The following PRELID2 variants were observed in gnomAD, a reference collection of about 807,000 sequenced individuals.
PRELID2 encodes the protein PRELI domain-containing protein 2.
PRELID2 carries 25 observed loss-of-function variants against 28.4 expected under a neutral mutation model. The ratio of observed to expected loss-of-function variants is 0.88; its 90% CI spans 0.64 to 1.23. The LOEUF (loss-of-function observed/expected upper bound fraction) is 1.23, where lower values mean the gene tolerates loss of function less well. Ranked by LOEUF, PRELID2 falls within the 50% of genes most tolerant of loss-of-function variation. PRELID2 has a pLI of 0.00. For synonymous variants in PRELID2, 76 were observed against 71.6 expected (o/e 1.06, Z -0.31); for missense variants, 201 against 214.4 (o/e 0.94, Z 0.39).
intron 1 of PRELID2, among the ~76,000 whole-genome samples, chr5:145,652,317 G>C (rs750007848): frequency 6.6e-6 from 1 of 152,204 alleles, no homozygotes; most frequent in Non-Finnish European, 1.5e-5. Context: ...GAACCAAGTT[G>C]GAAAACACTC....
intron 1 of PRELID2, among the ~76,000 whole-genome samples, chr5:145,499,828 T>C (rs1428484958): frequency 6.6e-6 from 1 of 152,238 alleles, no homozygotes; most frequent in East Asian, 1.9e-4. Context: ...TTCTTCAGAA[T>C]GAATGAGATT....
At chr5:145,262,107 C>CA in the PRELID2 span, among the ~76,000 whole-genome samples, 2 of 151,816 alleles carry the variant, frequency 1.3e-5, no homozygotes, top group African/African-American at 4.8e-5. Flanking sequence ...TGGCAGAGCT[C>CA]AAAGACAAGG....
At chr5:145,360,761 TTGAA>T in the PRELID2 span, among the ~76,000 whole-genome samples, 1 of 152,208 alleles carries the variant, frequency 6.6e-6, no homozygotes, top group Non-Finnish European at 1.5e-5. Context: ...TTCCAATCCT[TTGAA>T]TGAGCAGATC....
At chr5:145,578,080 G>C (rs1297957104) in intron 1 of PRELID2, among the ~76,000 whole-genome samples, 1 of 152,050 alleles carries the variant, frequency 6.6e-6, no homozygotes, top group Admixed American at 6.6e-5. Flanking sequence ...CATAATACAT[G>C]CCAGTTGCTA....
chr5:145,415,886 C>T, the PRELID2 span, among the ~76,000 whole-genome samples: 6 of 151,914 alleles, frequency 3.9e-5, no homozygotes, highest in African/African-American at 1.2e-4. Flanking sequence ...AACTACTTTA[C>T]GGTCCCACCA....
At chr5:145,657,645 A>G (rs1162604602) in intron 1 of PRELID2, among the ~76,000 whole-genome samples, 1 of 152,168 alleles carries the variant, frequency 6.6e-6, no homozygotes, top group Non-Finnish European at 1.5e-5. Context: ...AGATCGCACA[A>G]CTGCACTCCA....
intron 1 of PRELID2, among the ~76,000 whole-genome samples, chr5:145,554,443 C>T (rs1752863465): frequency 6.6e-6 from 1 of 151,988 alleles, no homozygotes; most frequent in South Asian, 2.1e-4. Context: ...ATTTTTAAAC[C>T]CAGAGAGAAG....
chr5:145,513,755 G>T (rs1291574611), intron 1 of PRELID2, among the ~76,000 whole-genome samples: 2 of 152,136 alleles, frequency 1.3e-5, no homozygotes, highest in East Asian at 1.9e-4. Context: ...GGAATGTCGG[G>T]TTACTCACAA....
At chr5:145,719,094 A>C (rs1271435959) in intron 1 of PRELID2, among the ~76,000 whole-genome samples, 1 of 152,040 alleles carries the variant, frequency 6.6e-6, no homozygotes, top group East Asian at 1.9e-4. Flanking sequence ...AGATTAACAA[A>C]AGTACAAATA....
chr5:145,283,578 T>C, the PRELID2 span, among the ~76,000 whole-genome samples: 3 of 152,206 alleles, frequency 2.0e-5, no homozygotes, highest in African/African-American at 7.2e-5. Context: ...ATAAGGATTT[T>C]TGAACTGCTT....
Position 145,817,968 on chromosome 5 carries a change from G to A in PRELID2, c.294C>T (p.His98=). Residue 98 remains histidine, a synonymous_variant, in exon 4 of 7, where the codon CAC becomes CAT. Transcript: ENST00000683046. Reference sequence around the variant, plus strand: ...ATGCATACTGTGTCCACGTAAGGCAGTGACTCCGTATGGCCATGTTTCTTT... The same window carrying A: ...ATGCATACTGTGTCCACGTAAGGCAATGACTCCGTATGGCCATGTTTCTTT... ...PRERNMAIRS[H]CLTWTQYASM... 2.5e-6 allele frequency: 4 copies of A among 1,608,716 alleles called. No homozygotes were observed. In the South Asian group the frequency reaches 3.3e-5, roughly 13 times the overall value.
chr5:145,463,039 A>G, the PRELID2 span, among the ~76,000 whole-genome samples: 1 of 152,168 alleles, frequency 6.6e-6, no homozygotes, highest in Non-Finnish European at 1.5e-5. Context: ...ATAAATAAAA[A>G]GTTTGATTTG....
chr5:145,444,286 C>A, the PRELID2 span, among the ~76,000 whole-genome samples: 1 of 152,038 alleles, frequency 6.6e-6, no homozygotes, highest in African/African-American at 2.4e-5. Flanking sequence ...AGCCCCTGAA[C>A]AGTGAACCCT....
chr5:145,834,073 C>A (rs1385835533), intron 1 of PRELID2, among the ~76,000 whole-genome samples: 1 of 152,184 alleles, frequency 6.6e-6, no homozygotes, highest in African/African-American at 2.4e-5. Context: ...TAGAAACAGT[C>A]TTTGGGATTC....
At chr5:145,714,943 C>T (rs1222666182) in intron 1 of PRELID2, among the ~76,000 whole-genome samples, 1 of 152,172 alleles carries the variant, frequency 6.6e-6, no homozygotes, top group Non-Finnish European at 1.5e-5. Context: ...ATTTTACCTA[C>T]ATACTCAATC....
intron 1 of PRELID2, among the ~76,000 whole-genome samples, chr5:145,698,501 A>G (rs1415828488): frequency 6.6e-5 from 10 of 152,164 alleles, no homozygotes; most frequent in Admixed American, 5.9e-4. Flanking sequence ...TATTTCTCAC[A>G]GTGCTGGAGG....
chr5:145,374,878 T>C, the PRELID2 span, among the ~76,000 whole-genome samples: 98,310 of 151,928 alleles, frequency 0.65, 32,068 homozygotes, highest in East Asian at 0.89. Context: ...GTCAGCATCT[T>C]CTCTATCCTT....
intron 1 of PRELID2, among the ~76,000 whole-genome samples, chr5:145,653,809 A>G (rs1178259008): frequency 1.3e-5 from 2 of 152,246 alleles, no homozygotes; most frequent in Non-Finnish European, 2.9e-5. Context: ...AAGATCTAAA[A>G]TTGACATCTT....
chr5:145,381,549 C>T, the PRELID2 span: 1 of 152,230 alleles, frequency 6.6e-6, no homozygotes, highest in Admixed American at 6.5e-5. Flanking sequence ...CAGCCAAAAA[C>T]TTGAAAAAGT....
Sources: gnomAD v4.1 joint callset for allele counts (sites outside exome capture counted in the v4.1 genomes callset) on GRCh38, gnomAD v4.1.1 for gene constraint, MANE v1.5 for transcripts, NCBI Gene and HGNC (gene_info 2026-07-23, HGNC 2026-07-21) for gene names.